Variants in WDR93 observed in about 807,000 individuals in gnomAD.
The protein encoded by WDR93 is WD repeat domain 93.
WDR93 carries 73 observed loss-of-function variants against 82.9 expected under a neutral mutation model. The ratio of observed to expected loss-of-function variants is 0.88; its 90% CI spans 0.73 to 1.07. WDR93 has a LOEUF of 1.07. Ranked by LOEUF, WDR93 falls within the 50% of genes least tolerant of loss-of-function variation. The pLI is 0.00. For synonymous variants in WDR93, 283 were observed against 300.1 expected, an observed-to-expected ratio of 0.94 and a Z score of 0.59; for missense variants, 738 against 826.0, an observed-to-expected ratio of 0.89 and a Z score of 1.31.
At chr15:89,731,105 T>TC (rs2141690202) in intron 11 of WDR93, among the ~76,000 whole-genome samples, 1 of 152,310 alleles carries the variant, frequency 6.6e-6, no homozygotes, top group South Asian at 2.1e-4. Flanking sequence ...CTCTGCCTCA[T>TC]CTATAAAATG....
At chr15:89,722,187 C>G in intron 8 of WDR93, 48 bp downstream of exon 8, 1 of 1,307,682 alleles carries the variant, frequency 7.6e-7, no homozygotes, top group Non-Finnish European at 1.1e-6. Flanking sequence ...TTTATCTGTT[C>G]TTTCTTCCTT....
intron 8 of WDR93, among the ~76,000 whole-genome samples, chr15:89,725,792 G>A (rs959314234): frequency 1.3e-5 from 2 of 151,980 alleles, no homozygotes; most frequent in African/African-American, 2.4e-5. Flanking sequence ...AAACTCCGGG[G>A]CTCAAGCGAT....
At position 89,712,047 on chromosome 15, in the gene WDR93, AC is replaced by A. The variant is rs754870589; in HGVS notation, c.585del (p.Cys196ValfsTer2). On this transcript the variant is annotated frameshift_variant, in exon 5 of 17. Coordinates refer to ENST00000268130, the MANE Select transcript of WDR93 (RefSeq NM_020212.2). LOFTEE classifies it high-confidence loss of function. Reference sequence around the variant, plus strand: ...TCAGGATGATACCAGCAAGCAAACTACCTGTATAAAGATGGAGATCTCTCAA... The same window carrying A: ...TCAGGATGATACCAGCAAGCAAACTACTGTATAAAGATGGAGATCTCTCAA... ...NEVDDTSKQT[T>X]CIKMEISQGG... The A allele has an allele frequency of 2.3e-4, 372 of 1,613,284 alleles. No homozygotes were observed. Among genetic ancestry groups the A allele is most frequent in the Non-Finnish European group, 2.9e-4 (344 of 1,179,652 alleles).
At chr15:89,722,464 C>T (rs928428636) in intron 8 of WDR93, among the ~76,000 whole-genome samples, 2 of 152,350 alleles carry the variant, frequency 1.3e-5, no homozygotes, top group South Asian at 4.1e-4. Flanking sequence ...TTCATTCCTA[C>T]ATTCTTGTGT....
At chr15:89,735,702 A>T in intron 14 of WDR93, 149 bp downstream of exon 14, 1 of 766,194 alleles carries the variant, frequency 1.3e-6, no homozygotes, top group East Asian at 2.7e-5. Flanking sequence ...AGAAAGAGAA[A>T]GAACCTGCCT....
upstream of WDR93, chr15:89,690,619 G>A (rs376365044): frequency 8.4e-6 from 13 of 1,551,416 alleles, no homozygotes; most frequent in African/African-American, 5.5e-5. Context: ...GGTGAAGCGG[G>A]TGAAGGCGTC....
chr15:89,743,595 C>T lies in WDR93; in HGVS notation c.*204C>T. The T allele has an allele frequency of 1.7e-6, 1 of 588,098 alleles. No homozygotes were observed. Among genetic ancestry groups the T allele is most frequent in the African/African-American group, 1.9e-5 (1 of 53,738 alleles). The allele number at this position is 588,098 out of a possible 1,614,324, so 36.4% of individuals were successfully genotyped here. A position where few individuals can be genotyped will look rare whatever the true frequency, so the allele number is the denominator to read the frequency against. On this transcript the variant is annotated 3_prime_UTR_variant, in exon 17 of 17. Transcript: ENST00000268130. ...TAAGCCTCTTGTCAGAGCCCTCAGGCAGGCAGATGTGTCACCCAAATAAAC... is the reference window on the plus strand; with the variant it reads ...TAAGCCTCTTGTCAGAGCCCTCAGGTAGGCAGATGTGTCACCCAAATAAAC...
chr15:89,716,311 A>G (rs1458472413), intron 6 of WDR93, among the ~76,000 whole-genome samples: 1 of 152,212 alleles, frequency 6.6e-6, no homozygotes, highest in African/African-American at 2.4e-5. Context: ...CTTGTCTTCA[A>G]TGGATAATAA....
At chr15:89,709,498 T>A (rs934945487) in intron 4 of WDR93, among the ~76,000 whole-genome samples, 1 of 151,414 alleles carries the variant, frequency 6.6e-6, no homozygotes, top group African/African-American at 2.4e-5. Flanking sequence ...AATACCTGTT[T>A]TATATATATA....
rs188253135 is a variant in WDR93 at position 89,711,270 on chromosome 15, C to T, written c.562-756C>T. On this transcript the variant is annotated intron_variant, in intron 4 of 16. Transcript: ENST00000268130. ...GATGCAATCAATCCAGTTCACAATG[C>T]GAAAAATTCCATAGGACAAATGACA... is the stretch of plus-strand genomic sequence containing the variant. 1.4e-4 allele frequency among the ~76,000 whole-genome samples: 22 copies of T among 152,118 alleles called. No individual in the cohort carries two copies. The East Asian group carries it at 3.9e-3, about 27-fold the overall frequency.
At chr15:89,707,248 A>G (rs11633274) in intron 4 of WDR93, among the ~76,000 whole-genome samples, 65,519 of 152,054 alleles carry the variant, frequency 0.43, 14,495 homozygotes, top group African/African-American at 0.47. Flanking sequence ...GAATCCTCAA[A>G]TTAAAAACAC....
intron 5 of WDR93, among the ~76,000 whole-genome samples, chr15:89,714,608 C>T (rs147210704): frequency 0.012 from 1,777 of 152,284 alleles, 45 homozygotes; most frequent in African/African-American, 0.041. Flanking sequence ...AGGCGTGAGC[C>T]GCCATGCCCG....
intron 7 of WDR93, 79 bp from the exon 8 acceptor site, chr15:89,721,973 CCTT>C: frequency 3.2e-6 from 3 of 942,924 alleles, no homozygotes; most frequent in Non-Finnish European, 4.8e-6. Context: ...TTCTTTTCCA[CCTT>C]CTTTTAAAAT....
chr15:89,734,986 C>CTCCT (rs143651353), intron 13 of WDR93, among the ~76,000 whole-genome samples: 3,599 of 149,882 alleles, frequency 0.024, 154 homozygotes, highest in African/African-American at 0.084. Context: ...CCCTCCGTCC[C>CTCCT]TCCTTCCTTC....
chr15:89,692,611 T>A (rs550472586), intron 1 of WDR93, among the ~76,000 whole-genome samples: 1 of 152,106 alleles, frequency 6.6e-6, no homozygotes, highest in African/African-American at 2.4e-5. Flanking sequence ...ATCATCTGTT[T>A]TTTGTTTTTG....
intron 1 of WDR93, among the ~76,000 whole-genome samples, chr15:89,692,586 T>C (rs1964951578): frequency 1.3e-5 from 2 of 152,190 alleles, no homozygotes; most frequent in African/African-American, 4.8e-5. Flanking sequence ...AGGGTGCTTC[T>C]AAACACAGAT....
Position 89,701,870 on chromosome 15 carries a change from G to T in WDR93, c.124G>T (p.Val42Phe). 7 of 1,614,242 alleles carry T rather than the reference G, an allele frequency of 4.3e-6. No individual in the cohort carries two copies. The highest frequency in any genetic ancestry group is 5.1e-6 in the Non-Finnish European group (6 of 1,180,044). ...DWPKDDEQDH[V>F]LVDPDEELDS... is the part of the protein sequence containing the mutation. The stretch of plus-strand genomic sequence containing the variant: ...GCCTAAAGACGATGAACAGGATCAT[G>T]TCCTCGTGGATCCAGATGAGGAGCT... The change falls in exon 2 of 17, where the codon GTC becomes TTC. Residue 42 changes from valine (V) to phenylalanine (F), a missense_variant. Coordinates refer to ENST00000268130, the MANE Select transcript of WDR93 (RefSeq NM_020212.2).
At chr15:89,737,751 G>T in intron 15 of WDR93, 22 bp downstream of exon 15, 1 of 1,613,762 alleles carries the variant, frequency 6.2e-7, no homozygotes, top group Non-Finnish European at 8.5e-7. Context: ...GACCAGGGCT[G>T]ATGCCCACTG....
intron 4 of WDR93, among the ~76,000 whole-genome samples, chr15:89,708,307 C>T (rs940994010): frequency 1.3e-5 from 2 of 152,282 alleles, no homozygotes; most frequent in Admixed American, 6.5e-5. Flanking sequence ...TTCTGCTCAT[C>T]GAAAGATGCT....
Sources: allele counts gnomAD v4.1 joint callset (sites outside exome capture counted in the v4.1 genomes callset), GRCh38; gene constraint gnomAD v4.1.1; transcripts MANE v1.5; gene names NCBI Gene and HGNC (gene_info 2026-07-23, HGNC 2026-07-21).